KCNQ4: variants seen among roughly 807,000 people sequenced by gnomAD.
KCNQ4 encodes the protein potassium voltage-gated channel subfamily KQT member 4.
Under a neutral mutation model 72.6 loss-of-function variants are expected in KCNQ4, and 31 were observed. The observed-to-expected ratio is 0.43, with a 90% confidence interval of 0.32 to 0.58. The LOEUF (loss-of-function observed/expected upper bound fraction) is 0.58. Ranked by LOEUF, KCNQ4 falls within the 20% of genes least tolerant of loss-of-function variation. The pLI is 0.08. For missense variants in KCNQ4, 869 were observed against 962.6 expected (o/e 0.90, Z 1.29); for synonymous variants, 405 against 403.7 (o/e 1.00, Z -0.04).
At position 40,784,797 on chromosome 1, in the gene KCNQ4, CA is replaced by C. The variant is rs1032265395; in HGVS notation, c.314+393del. Among the ~76,000 whole-genome samples, 13 of 152,248 alleles carry C rather than the reference CA, an allele frequency of 8.5e-5. No homozygotes were observed. The highest frequency in any genetic ancestry group is 3.1e-4 in the African/African-American group (13 of 41,558). ...CCCCTGCCTCCCTGTGTCCCAGACA[CA>C]AAGAGGAACCCTTGGCTCCCACACG... is the stretch of plus-strand genomic sequence containing the variant. On this transcript the variant is annotated intron_variant, in intron 1 of 13. Coordinates refer to ENST00000347132, the MANE Select transcript of KCNQ4 (RefSeq NM_004700.4). The surrounding 1 kb of genome is among the most constrained non-coding windows in gnomAD (Gnocchi z 4.1).
intron 12 of KCNQ4, among the ~76,000 whole-genome samples, chr1:40,835,422 A>G (rs910557323): frequency 2.6e-5 from 4 of 152,174 alleles, no homozygotes; most frequent in African/African-American, 7.2e-5. Context: ...CTGACCTCCC[A>G]TCTCCCAAGA....
At chr1:40,829,239 C>G (rs774600503) in intron 9 of KCNQ4, among the ~76,000 whole-genome samples, 1 of 152,202 alleles carries the variant, frequency 6.6e-6, no homozygotes, top group South Asian at 2.1e-4. Context: ...TTGCACGGAC[C>G]GGGCAGGGTG....
intron 9 of KCNQ4, among the ~76,000 whole-genome samples, chr1:40,828,324 C>T (rs560843565): frequency 7.0e-4 from 107 of 152,216 alleles, no homozygotes; most frequent in Non-Finnish European, 1.3e-3. Flanking sequence ...GTTTCTTGAC[C>T]TTGGCATCAT....
chr1:40,821,588 C>T (rs931480204), intron 7 of KCNQ4, among the ~76,000 whole-genome samples: 1 of 152,190 alleles, frequency 6.6e-6, no homozygotes, highest in Non-Finnish European at 1.5e-5. Context: ...AATGCTTTTC[C>T]TCCCCTCTCA....
At chr1:40,831,594 T>C (rs973617968) in intron 10 of KCNQ4, among the ~76,000 whole-genome samples, 2 of 152,246 alleles carry the variant, frequency 1.3e-5, no homozygotes, top group Non-Finnish European at 2.9e-5. Context: ...TTGTCACTTA[T>C]CTTAGGCGAG....
rs563325444 is a variant in KCNQ4, at chr1:40,838,339, T to G, written c.1904T>G (p.Leu635Arg). The change falls in exon 14 of 14, where the codon CTG becomes CGG. Residue 635 changes from leucine (L) to arginine (R), a missense_variant. By Grantham distance (102) the Leu-to-Arg change is moderately radical. Transcript: ENST00000347132. ...QVQSIEHKLD[L>R]LLGFYSRCLR... ...CAGTCCATCGAGCACAAGCTGGACC[T>G]GCTGTTGGGCTTCTATTCGCGCTGC... 7.9e-5 allele frequency: 127 copies of G among 1,613,824 alleles called. 2 individuals are homozygous for G. In the South Asian group the frequency reaches 1.3e-3, roughly 16 times the overall value.
At chr1:40,814,042 C>T (rs1336685542) in intron 1 of KCNQ4, among the ~76,000 whole-genome samples, 7 of 119,190 alleles carry the variant, frequency 5.9e-5, no homozygotes, top group East Asian at 5.2e-4. Context: ...CCACTGCGCC[C>T]GGCCTTTTTT....
chr1:40,808,614 C>T (rs1647833975), intron 1 of KCNQ4, among the ~76,000 whole-genome samples: 1 of 152,150 alleles, frequency 6.6e-6, no homozygotes, highest in Non-Finnish European at 1.5e-5. Flanking sequence ...CGGCCTCCTC[C>T]CTTCCCACAG....
intron 1 of KCNQ4, among the ~76,000 whole-genome samples, chr1:40,801,544 G>A (rs185954376): frequency 6.6e-6 from 1 of 152,222 alleles, no homozygotes; most frequent in Admixed American, 6.5e-5. Flanking sequence ...CTAGGTTTTG[G>A]AGAGAAAGTA....
chr1:40,788,142 C>T lies in KCNQ4; in HGVS notation c.314+3735C>T, dbSNP rs982477872. Among the ~76,000 whole-genome samples the T allele has an allele frequency of 3.9e-5, 6 of 152,240 alleles. No homozygotes were observed. Among genetic ancestry groups the T allele is most frequent in the South Asian group, 2.1e-4 (1 of 4,826 alleles). The stretch of plus-strand genomic sequence containing the variant: ...ACCCCGGCCATCTGAGAAAGAACAT[C>T]GCCTGGGTTGGAAATCATCCCAGCA... On this transcript the variant is annotated intron_variant, in intron 1 of 13. Transcript: ENST00000347132. The surrounding 1 kb of genome is among the most constrained non-coding windows in gnomAD (Gnocchi z 4.5).
At chr1:40,807,981 G>A (rs995746771) in intron 1 of KCNQ4, among the ~76,000 whole-genome samples, 1 of 151,658 alleles carries the variant, frequency 6.6e-6, no homozygotes, top group Non-Finnish European at 1.5e-5. Flanking sequence ...TTAGCCAGGT[G>A]TGGTGGTCCC....
intron 1 of KCNQ4, among the ~76,000 whole-genome samples, chr1:40,795,443 G>T (rs186603702): frequency 6.6e-6 from 1 of 151,918 alleles, no homozygotes; most frequent in South Asian, 2.1e-4. Flanking sequence ...TAAATTTTTT[G>T]TAGAGAGGGG....
intron 1 of KCNQ4, among the ~76,000 whole-genome samples, chr1:40,812,032 C>G (rs1053996939): frequency 2.0e-5 from 3 of 152,152 alleles, no homozygotes; most frequent in Non-Finnish European, 4.4e-5. Context: ...CACCTTGTCT[C>G]CTCTACCCCT....
intron 1 of KCNQ4, among the ~76,000 whole-genome samples, chr1:40,786,279 C>G (rs552546180): frequency 9.3e-4 from 142 of 152,204 alleles, no homozygotes; most frequent in African/African-American, 3.3e-3. Flanking sequence ...GGGGTCCTTA[C>G]CCCCCCAGGC....
intron 1 of KCNQ4, among the ~76,000 whole-genome samples, chr1:40,813,006 C>A (rs566965769): frequency 6.6e-6 from 1 of 152,104 alleles, no homozygotes; most frequent in African/African-American, 2.4e-5. Context: ...TTGGAACAGA[C>A]CTGGGTGAGG....
At chr1:40,831,032 C>A in intron 9 of KCNQ4, 52 bp from the exon 10 acceptor site, 2 of 1,495,964 alleles carry the variant, frequency 1.3e-6, no homozygotes, top group Non-Finnish European at 9.1e-7. Flanking sequence ...CACTCACCCC[C>A]ACCCCCAGCT....
chr1:40,829,118 T>A (rs948702875), intron 9 of KCNQ4, among the ~76,000 whole-genome samples: 1 of 152,244 alleles, frequency 6.6e-6, no homozygotes, highest in African/African-American at 2.4e-5. Context: ...TGGAGCCTTA[T>A]GTGGTGGGCG....
intron 5 of KCNQ4, 70 bp from the exon 6 acceptor site, chr1:40,819,805 G>A: frequency 1.6e-6 from 2 of 1,250,290 alleles, no homozygotes; most frequent in Non-Finnish European, 2.4e-6. Context: ...GCTCCTACCT[G>A]CCTGTACCCC....
chr1:40,838,767 C>G lies in KCNQ4; in HGVS notation c.*244C>G. 1 of 586,398 alleles carries G rather than the reference C, an allele frequency of 1.7e-6. No individual in the cohort carries two copies. Among genetic ancestry groups the G allele is most frequent in the Non-Finnish European group, 3.1e-6 (1 of 326,280 alleles). 36.3% of individuals were successfully genotyped at this position (586,398 alleles called of 1,614,324 possible). ...GCAGCAGCAGCGGCCGTCCCGCGGC[C>G]TCTGGGCCCCCCAGTGCCCTGCCCA... On this transcript the variant is annotated 3_prime_UTR_variant, in exon 14 of 14. Transcript: ENST00000347132.
Sources: allele counts gnomAD v4.1 joint callset (sites outside exome capture counted in the v4.1 genomes callset), GRCh38; gene constraint gnomAD v4.1.1; non-coding constraint Gnocchi (gnomAD v3.1); transcripts MANE v1.5; gene names NCBI Gene and HGNC (gene_info 2026-07-23, HGNC 2026-07-21).